SPON1: variants seen among roughly 807,000 people sequenced by gnomAD.
SPON1 encodes spondin 1.
A neutral mutation model predicts 111.7 loss-of-function variants in SPON1; 52 were observed. The observed-to-expected ratio is 0.47, with a 90% CI of 0.37 to 0.59. The LOEUF is 0.59. SPON1 is among the 20% of genes least tolerant of loss of function. SPON1 has a pLI of 0.00. For synonymous variants in SPON1, 410 were observed against 395.8 expected (o/e 1.04, Z -0.43); for missense variants, 957 against 1,068.5 (o/e 0.90, Z 1.46).
At chr11:14,233,758 C>CTTTT (rs10610600) in intron 6 of SPON1, among the ~76,000 whole-genome samples, 44 of 96,782 alleles carry the variant, frequency 4.5e-4, no homozygotes, top group Admixed American at 6.5e-4. Flanking sequence ...GTTTCTTTTT[C>CTTTT]TTTTTTTTTT....
intron 6 of SPON1, among the ~76,000 whole-genome samples, chr11:14,223,100 C>T (rs1381015069): frequency 6.6e-6 from 1 of 152,224 alleles, no homozygotes; most frequent in African/African-American, 2.4e-5. Context: ...CATGGTGGCT[C>T]ATGCCTATAA....
intron 6 of SPON1, among the ~76,000 whole-genome samples, chr11:14,173,666 T>A (rs573744048): frequency 1.3e-5 from 2 of 152,192 alleles, no homozygotes; most frequent in African/African-American, 4.8e-5. Flanking sequence ...TACAGATGGG[T>A]TTTTGGTGCA....
intron 6 of SPON1, among the ~76,000 whole-genome samples, chr11:14,141,242 G>A (rs1847652915): frequency 6.6e-6 from 1 of 152,142 alleles, no homozygotes; most frequent in Non-Finnish European, 1.5e-5. Flanking sequence ...TTTGTAATGT[G>A]TTTTGTTATA....
At chr11:14,263,076 T>C in intron 15 of SPON1, 101 bp downstream of exon 15, 2 of 949,536 alleles carry the variant, frequency 2.1e-6, no homozygotes, top group Non-Finnish European at 3.0e-6. Flanking sequence ...AAAAAAAAAG[T>C]CGGGGAGAGT....
chr11:14,187,683 C>T (rs182241708), intron 6 of SPON1, among the ~76,000 whole-genome samples: 8 of 152,214 alleles, frequency 5.3e-5, no homozygotes, highest in East Asian at 1.9e-4. Context: ...GGTGCAATCT[C>T]GGCACACTGC....
intron 6 of SPON1, among the ~76,000 whole-genome samples, chr11:14,173,588 G>A (rs1208471438): frequency 6.6e-6 from 1 of 152,092 alleles, no homozygotes; most frequent in African/African-American, 2.4e-5. Flanking sequence ...AGAGTTTCCG[G>A]TTTTTCTGCT....
chr11:14,160,871 TTATATTTTTA>T (rs1847930598), intron 6 of SPON1, among the ~76,000 whole-genome samples: 2 of 28,998 alleles, frequency 6.9e-5, no homozygotes, highest in Non-Finnish European at 1.2e-4. Context: ...TTATATATTT[TTATATTTTTA>T]TATATTTATA....
At position 14,161,877 on chromosome 11, in the gene SPON1, G is replaced by A. The variant is rs118110568; in HGVS notation, c.825+26309G>A. On this transcript the variant is annotated intron_variant, in intron 6 of 15. Coordinates refer to ENST00000576479, the MANE Select transcript of SPON1 (RefSeq NM_006108.4). Reference sequence around the variant, plus strand: ...AAATAATGAAGGTTTTCCACACCAGGTGTGGTGGCTCATGCCTGTAATCCC... The same window carrying A: ...AAATAATGAAGGTTTTCCACACCAGATGTGGTGGCTCATGCCTGTAATCCC... Among the ~76,000 whole-genome samples, 135 of 152,094 alleles carry A rather than the reference G, an allele frequency of 8.9e-4. 5 individuals are homozygous for A. In the East Asian group the frequency reaches 0.025, roughly 28 times the overall value.
intron 6 of SPON1, among the ~76,000 whole-genome samples, chr11:14,188,028 G>A (rs1848305577): frequency 6.6e-6 from 1 of 152,160 alleles, no homozygotes; most frequent in South Asian, 2.1e-4. Context: ...TGGTCTGCCT[G>A]CCTCAGCCTC....
chr11:14,165,921 C>G (rs1848024359), intron 6 of SPON1, among the ~76,000 whole-genome samples: 1 of 152,290 alleles, frequency 6.6e-6, no homozygotes, highest in South Asian at 2.1e-4. Context: ...TCAGATAAGA[C>G]TTTTTAAAAG....
intron 2 of SPON1, among the ~76,000 whole-genome samples, chr11:14,010,243 G>T (rs1848393570): frequency 6.6e-6 from 1 of 152,124 alleles, no homozygotes; most frequent in Admixed American, 6.5e-5. Context: ...GGGAGCTAAG[G>T]ACAGAGGGCA....
At chr11:14,034,795 C>T (rs1282294808) in intron 2 of SPON1, among the ~76,000 whole-genome samples, 1 of 152,166 alleles carries the variant, frequency 6.6e-6, no homozygotes, top group East Asian at 1.9e-4. Context: ...TATCAAAGGT[C>T]CAGTGATATG....
chr11:14,101,972 C>A (rs1363393014), intron 5 of SPON1, among the ~76,000 whole-genome samples: 1 of 152,208 alleles, frequency 6.6e-6, no homozygotes, highest in Non-Finnish European at 1.5e-5. Context: ...TTATCATTCT[C>A]TCACCATATA....
At position 14,051,437 on chromosome 11, in the gene SPON1, A is replaced by G. The variant is rs997182537; in HGVS notation, c.479+9783A>G. On this transcript the variant is annotated intron_variant, in intron 3 of 15. Coordinates refer to ENST00000576479, the MANE Select transcript of SPON1 (RefSeq NM_006108.4). ...TATAGTCCCAGCTACTCAGGAGACT[A>G]AGGTGGGAGGATTGCTGGAGCCCAG... 2.0e-5 allele frequency among the ~76,000 whole-genome samples: 3 copies of G among 151,998 alleles called. No individual in the cohort carries two copies. The South Asian group carries it at 6.2e-4, about 32-fold the overall frequency.
At chr11:13,998,816 ATTG>A (rs1303618694) in intron 2 of SPON1, among the ~76,000 whole-genome samples, 1 of 152,226 alleles carries the variant, frequency 6.6e-6, no homozygotes, top group Non-Finnish European at 1.5e-5. Context: ...TGGAACTAGC[ATTG>A]TTTCCACATC....
At chr11:14,051,263 G>A (rs1263454066) in intron 3 of SPON1, among the ~76,000 whole-genome samples, 1 of 152,170 alleles carries the variant, frequency 6.6e-6, no homozygotes, top group Non-Finnish European at 1.5e-5. Flanking sequence ...GGAGAGATGT[G>A]GTGGCTCACA....
At chr11:14,036,849 A>G (rs1409014213) in intron 2 of SPON1, among the ~76,000 whole-genome samples, 2 of 152,170 alleles carry the variant, frequency 1.3e-5, no homozygotes, top group Admixed American at 1.3e-4. Context: ...GCTATGGCAC[A>G]GAAGGCAAGG....
intron 2 of SPON1, among the ~76,000 whole-genome samples, chr11:14,012,220 C>T (rs1848410769): frequency 6.6e-6 from 1 of 152,140 alleles, no homozygotes; most frequent in Non-Finnish European, 1.5e-5. Context: ...CTCCTGCTGG[C>T]TTCAGGGCCT....
In SPON1 at chr11:13,982,869, C is replaced by A. The variant is rs1554909858; in HGVS notation, c.261C>A (p.Pro87=). ...CAGTAACACTTTCAGCTGCTCCTCCCTCCTACTTCAGAGGATTCACATTAA... is the reference window on the plus strand; with the variant it reads ...CAGTAACACTTTCAGCTGCTCCTCCATCCTACTTCAGAGGATTCACATTAA... ...SYRVTLSAAP[P]SYFRGFTLIA... Residue 87 remains proline, a synonymous_variant, in exon 2 of 16, where the codon CCC becomes CCA. Transcript: ENST00000576479. 1 of 1,560,890 alleles carries A rather than the reference C, an allele frequency of 6.4e-7. No individual in the cohort carries two copies. Among genetic ancestry groups the A allele is most frequent in the Non-Finnish European group, 8.7e-7 (1 of 1,151,350 alleles).
Sources: gnomAD v4.1 joint callset for allele counts (sites outside exome capture counted in the v4.1 genomes callset) on GRCh38, gnomAD v4.1.1 for gene constraint, MANE v1.5 for transcripts, NCBI Gene and HGNC (gene_info 2026-07-23, HGNC 2026-07-21) for gene names.